DOT1L: variants seen among roughly 807,000 people sequenced by gnomAD.
DOT1L encodes the protein DOT1 like histone lysine methyltransferase.
In DOT1L, 33 loss-of-function variants were observed where a neutral mutation model predicts 153.3. The observed-to-expected ratio is 0.22, with a 90% confidence interval of 0.16 to 0.29. The LOEUF is 0.29. Ranked by LOEUF, DOT1L falls within the 10% of genes least tolerant of loss-of-function variation. The pLI, the probability that DOT1L is intolerant of heterozygous loss-of-function variation, is 1.00. For synonymous variants in DOT1L, 1,135 were observed against 965.1 expected (o/e 1.18, Z -3.26); for missense variants, 1,847 against 2,119.9 (o/e 0.87, Z 2.53).
intron 1 of DOT1L, 36 bp from the exon 2 acceptor site, chr19:2,180,677 A>G (rs765504561): frequency 1.9e-6 from 3 of 1,613,238 alleles, no homozygotes; most frequent in Admixed American, 1.7e-5. Context: ...GGGGTGGAGG[A>G]TGGCTCTGCG....
chr19:2,223,102 G>A (rs2024190108), intron 24 of DOT1L, among the ~76,000 whole-genome samples, 179 bp from the exon 25 acceptor site: 1 of 152,070 alleles, frequency 6.6e-6, no homozygotes, highest in South Asian at 2.1e-4. Flanking sequence ...TGGGATTGCG[G>A]GGTGGTGTGT....
intron 3 of DOT1L, among the ~76,000 whole-genome samples, chr19:2,188,995 T>C (rs188347737): frequency 3.3e-5 from 5 of 152,270 alleles, no homozygotes; most frequent in Middle Eastern, 6.8e-3. Context: ...TGCTGTTGGG[T>C]TGTGGGCACT....
intron 3 of DOT1L, among the ~76,000 whole-genome samples, chr19:2,187,484 C>T (rs1358500010): frequency 6.6e-6 from 1 of 152,230 alleles, no homozygotes; most frequent in Non-Finnish European, 1.5e-5. Flanking sequence ...GGGACCGAGC[C>T]ATTAGGGCTT....
intron 7 of DOT1L, 92 bp from the exon 8 acceptor site, chr19:2,199,792 G>A (rs1250953220): frequency 6.3e-6 from 9 of 1,439,284 alleles, no homozygotes; most frequent in South Asian, 1.3e-5. Flanking sequence ...AAGCGGAGCT[G>A]TGTTCATTCC....
At position 2,191,155 on chromosome 19, in the gene DOT1L, C is replaced by T. The variant is rs759545923; in HGVS notation, c.408C>T (p.Tyr136=). The change falls in exon 5 of 28, where the codon TAC becomes TAT. Residue 136 remains tyrosine (Y), a synonymous_variant. Transcript: ENST00000398665. This position sits in a 1 kb window ranked among gnomAD's most constrained non-coding sequence, Gnocchi z 6.8. Reference sequence around the variant, plus strand: ...ACGAGCCCTTCTCCCCCGAGGTGTACGGGGAGACCTCCTTCGACCTGGTGG... The same window carrying T: ...ACGAGCCCTTCTCCCCCGAGGTGTATGGGGAGACCTCCTTCGACCTGGTGG... ...NNYEPFSPEV[Y]GETSFDLVAQ... is the part of the protein sequence containing the mutation. 20 of 1,613,506 alleles carry T rather than the reference C, an allele frequency of 1.2e-5. No individual in the cohort carries two copies. The highest frequency in any genetic ancestry group is 1.6e-4 in the Middle Eastern group (1 of 6,084).
intron 8 of DOT1L, among the ~76,000 whole-genome samples, chr19:2,201,625 G>GC (rs1459534769): frequency 1.3e-5 from 2 of 152,248 alleles, no homozygotes; most frequent in Non-Finnish European, 2.9e-5. Flanking sequence ...AGGGAATCGT[G>GC]CTGACCCTGT....
In DOT1L at chr19:2,191,029, G is replaced by A. The variant is rs762979072; in HGVS notation, c.282G>A (p.Gln94=). 1.9e-6 allele frequency: 3 copies of A among 1,604,710 alleles called. No homozygotes were observed. The African/African-American group carries it at 4.0e-5, about 21-fold the overall frequency. The change falls in exon 5 of 28, where the codon CAG becomes CAA. Residue 94 remains glutamine (Q), a synonymous_variant. Transcript: ENST00000398665. The surrounding 1 kb of genome is among the most constrained non-coding windows in gnomAD (Gnocchi z 6.8). The stretch of plus-strand genomic sequence containing the variant: ...GTCCGCAGTGGAAGGGCACCACGCA[G>A]CCCATGAAGCTGAACACGCGGCCGT... The part of the protein sequence containing the change: ...SIHQLWKGTT[Q]PMKLNTRPST...
In DOT1L at chr19:2,211,147, T is replaced by C. The variant is rs371412168; in HGVS notation, c.1400T>C (p.Val467Ala). The C allele has an allele frequency of 2.5e-5, 41 of 1,612,974 alleles. No individual in the cohort carries two copies. In the East Asian group the frequency reaches 7.6e-4, roughly 30 times the overall value. ...HSPFYQLPPSVQRHSPNPLLV... is the reference protein window; with the variant it reads ...HSPFYQLPPSAQRHSPNPLLV... Reference sequence around the variant, plus strand: ...CCGTTCTACCAGCTACCTCCGAGCGTGCAGCGGCACTCCCCCAACCCGCTG... The same window carrying C: ...CCGTTCTACCAGCTACCTCCGAGCGCGCAGCGGCACTCCCCCAACCCGCTG... Residue 467 changes from valine to alanine, a missense_variant, in exon 15 of 28, where the codon GTG (valine) becomes GCG (alanine). Transcript: ENST00000398665.
intron 1 of DOT1L, among the ~76,000 whole-genome samples, chr19:2,167,105 A>G (rs758254293): frequency 1.2e-4 from 19 of 152,188 alleles, no homozygotes; most frequent in African/African-American, 3.9e-4. Context: ...TGTGGGTCAC[A>G]GGACTGTGGG....
chr19:2,227,163 G>A (rs777732707), intron 27 of DOT1L, 36 bp downstream of exon 27: 29 of 1,569,920 alleles, frequency 1.8e-5, no homozygotes, highest in Non-Finnish European at 1.8e-5. Context: ...CCCCCGCCCC[G>A]GCCCCCGCCG....
Position 2,211,182 on chromosome 19 carries a change from C to T in DOT1L, c.1435C>T (p.Pro479Ser), listed in dbSNP as rs778847948. The change falls in exon 15 of 28, where the codon CCC (proline) becomes TCC (serine). Residue 479 changes from proline (P) to serine (S), a missense_variant. Physicochemically the swap from Pro to Ser is moderately conservative, Grantham distance 74 (BLOSUM62 -1). This residue lies in a region of DOT1L where 156 missense variants were observed against 235.7 expected (regional missense o/e 0.66). Coordinates refer to ENST00000398665, the MANE Select transcript of DOT1L (RefSeq NM_032482.3). ...CTCCCCCAACCCGCTGCTGGTGGCGCCCACCCCGCCCGCGCTGCAGAAGCT... is the reference window on the plus strand; with the variant it reads ...CTCCCCCAACCCGCTGCTGGTGGCGTCCACCCCGCCCGCGCTGCAGAAGCT... ...RHSPNPLLVAPTPPALQKLLE... is the reference protein window; with the variant it reads ...RHSPNPLLVASTPPALQKLLE... 3 of 1,611,630 alleles carry T rather than the reference C, an allele frequency of 1.9e-6. No homozygotes were observed. Among genetic ancestry groups the T allele is most frequent in the Non-Finnish European group, 8.5e-7 (1 of 1,179,358 alleles).
intron 1 of DOT1L, among the ~76,000 whole-genome samples, chr19:2,176,738 C>T (rs958276045): frequency 4.6e-5 from 7 of 152,216 alleles, no homozygotes; most frequent in African/African-American, 1.4e-4. Context: ...GCAGCTCCCG[C>T]GGCCACCACT....
chr19:2,230,549 C>G lies in DOT1L; in HGVS notation c.*757C>G. ...GTGCATTTACTTTTGTATTTCTCGG[C>G]TGTCCATGGCTCGCAGCATGCCCTG... On this transcript the variant is annotated 3_prime_UTR_variant, in exon 28 of 28. Coordinates refer to ENST00000398665, the MANE Select transcript of DOT1L (RefSeq NM_032482.3). The G allele has an allele frequency of 2.5e-6, 1 of 398,744 alleles. No homozygotes were observed. Among genetic ancestry groups the G allele is most frequent in the Non-Finnish European group, 4.4e-6 (1 of 226,116 alleles). 24.7% of individuals were successfully genotyped at this position (398,744 alleles called of 1,614,324 possible). A position where few individuals can be genotyped will look rare whatever the true frequency, so the allele number is the denominator to read the frequency against.
At chr19:2,188,896 C>T (rs1161198180) in intron 3 of DOT1L, among the ~76,000 whole-genome samples, 8 of 152,164 alleles carry the variant, frequency 5.3e-5, no homozygotes, top group African/African-American at 1.2e-4. Flanking sequence ...GCCGCGTGGC[C>T]GGTGTTTCTT....
In DOT1L at chr19:2,210,400, G is replaced by T; in HGVS notation, c.1006G>T (p.Glu336Ter). ...GTGGCTCAACCTGCTCTCCTTCCAG[G>T]AGGAACAGGAGGCAGCCCGGCGCCG... ...FSSLKNPKLR[E>*]EQEAARRRQQ... Residue 336 changes from glutamate (E) to a stop codon, truncating the protein, a stop_gained and splice_region_variant, in exon 13 of 28, where the codon GAG becomes TAG. Coordinates refer to ENST00000398665, the MANE Select transcript of DOT1L (RefSeq NM_032482.3). LOFTEE classifies it high-confidence loss of function. 6.5e-7 allele frequency: 1 copy of T among 1,532,024 alleles called. No homozygotes were observed. The allele number at this position is 1,532,024 out of a possible 1,614,324, so 94.9% of individuals were successfully genotyped here.
chr19:2,214,375 T>C (rs1271063800), intron 18 of DOT1L, 96 bp from the exon 19 acceptor site: 53 of 1,537,986 alleles, frequency 3.4e-5, no homozygotes, highest in Non-Finnish European at 4.0e-5. Flanking sequence ...CACATGCTGT[T>C]GGCTGAGGCA....
chr19:2,230,773 T>C lies in DOT1L; in HGVS notation c.*981T>C, dbSNP rs971575693. On this transcript the variant is annotated 3_prime_UTR_variant, in exon 28 of 28. Transcript: ENST00000398665. ...GAAAAAACCTTATTTATTCAAACAGTGCACAAAATGGCCCCAGCGTCAGCC... is the reference window on the plus strand; with the variant it reads ...GAAAAAACCTTATTTATTCAAACAGCGCACAAAATGGCCCCAGCGTCAGCC... 1 of 395,202 alleles carries C rather than the reference T, an allele frequency of 2.5e-6. No homozygotes were observed. Among genetic ancestry groups the C allele is most frequent in the Non-Finnish European group, 4.5e-6 (1 of 224,376 alleles). 24.5% of individuals were successfully genotyped at this position (395,202 alleles called of 1,614,324 possible). A position where few individuals can be genotyped will look rare whatever the true frequency, so the allele number is the denominator to read the frequency against.
At chr19:2,211,951 G>T (rs755738470) in intron 16 of DOT1L, 109 bp downstream of exon 16, 76 of 996,966 alleles carry the variant, frequency 7.6e-5, no homozygotes, top group Non-Finnish European at 9.8e-5. Flanking sequence ...GGCCTGAGTG[G>T]GCTCCCTCCT....
intron 27 of DOT1L, chr19:2,228,680 G>T: frequency 1.0e-6 from 1 of 985,394 alleles, no homozygotes; most frequent in Non-Finnish European, 1.2e-6. Flanking sequence ...CGAGGCTCAC[G>T]GGGTGCCAGG....
Sources: gnomAD v4.1 joint callset for allele counts (sites outside exome capture counted in the v4.1 genomes callset) on GRCh38, gnomAD v4.1.1 for gene constraint, gnomAD v4.1.1 regional missense constraint, Gnocchi (gnomAD v3.1) non-coding constraint, MANE v1.5 for transcripts, NCBI Gene and HGNC (gene_info 2026-07-23, HGNC 2026-07-21) for gene names.